The following SEMA4D variants were observed in gnomAD, a reference collection of about 807,000 sequenced individuals.
The protein encoded by SEMA4D is semaphorin 4D, also known as semaphorin-4D.
Under a neutral mutation model 74.8 loss-of-function variants are expected in SEMA4D, and 22 were observed. The ratio of observed to expected loss-of-function variants is 0.29; its 90% CI spans 0.21 to 0.42. The LOEUF (loss-of-function observed/expected upper bound fraction) is 0.42, where lower values mean the gene tolerates loss of function less well. SEMA4D is among the 10% of genes least tolerant of loss of function. The pLI, the probability that SEMA4D is intolerant of heterozygous loss-of-function variation, is 1.00. For synonymous variants in SEMA4D, 445 were observed against 463.7 expected (o/e 0.96, Z 0.52); for missense variants, 937 against 1,118.4 (o/e 0.84, Z 2.31).
At chr9:89,424,337 C>T (rs749036919) in intron 2 of SEMA4D, among the ~76,000 whole-genome samples, 31 of 152,300 alleles carry the variant, frequency 2.0e-4, no homozygotes, top group South Asian at 8.3e-4. Context: ...CCCACAGAAA[C>T]GAGCAGTGCA....
At chr9:89,444,248 C>G (rs909405507) in intron 2 of SEMA4D, among the ~76,000 whole-genome samples, 1 of 152,170 alleles carries the variant, frequency 6.6e-6, no homozygotes, top group Non-Finnish European at 1.5e-5. Context: ...CCTGGCTGCC[C>G]CTCTAGCACA....
At chr9:89,426,674 G>C (rs1444256127) in intron 2 of SEMA4D, among the ~76,000 whole-genome samples, 6 of 152,166 alleles carry the variant, frequency 3.9e-5, no homozygotes, top group South Asian at 2.1e-4. Context: ...GGTGCACGCA[G>C]CCTCGACCTG....
chr9:89,467,762 C>G (rs1252243338), intron 1 of SEMA4D, among the ~76,000 whole-genome samples: 1 of 152,026 alleles, frequency 6.6e-6, no homozygotes, highest in Non-Finnish European at 1.5e-5. Flanking sequence ...GAACTTCTGA[C>G]CTTGTGATCC....
chr9:89,368,891 G>C (rs1295551840), intron 16 of SEMA4D: 1 of 152,256 alleles, frequency 6.6e-6, no homozygotes, highest in African/African-American at 2.4e-5. Context: ...GCATCGCCTG[G>C]CTCCATGGGG....
intron 1 of SEMA4D, among the ~76,000 whole-genome samples, chr9:89,485,647 G>A (rs1825124451): frequency 6.6e-6 from 1 of 151,986 alleles, no homozygotes; most frequent in Non-Finnish European, 1.5e-5. Context: ...AATTAGCCGG[G>A]CATGGTGGCG....
intron 18 of SEMA4D, among the ~76,000 whole-genome samples, chr9:89,363,273 C>CA (rs564784754): frequency 2.0e-5 from 3 of 152,152 alleles, no homozygotes; most frequent in East Asian, 1.9e-4. Flanking sequence ...GATTTCCCCC[C>CA]CCAGTGTTGC....
Position 89,493,595 on chromosome 9 carries a change from C to T in SEMA4D, c.-310+4324G>A, listed in dbSNP as rs116327099. On this transcript the variant is annotated intron_variant, in intron 1 of 15. Coordinates refer to ENST00000422704, the MANE Select transcript of SEMA4D (RefSeq NM_001371194.2). ...CACACAAATCAGAAGGCCTAACAAA[C>T]ACCCACATTCTACATCAAGGCAAAT... Among the ~76,000 whole-genome samples, 269 of 152,370 alleles carry T rather than the reference C, an allele frequency of 1.8e-3. 2 individuals are homozygous for T. The highest frequency in any genetic ancestry group is 6.2e-3 in the African/African-American group (258 of 41,586).
intron 8 of SEMA4D, 136 bp downstream of exon 8, chr9:89,392,287 G>A (rs996596957): frequency 6.4e-6 from 4 of 620,980 alleles, no homozygotes; most frequent in African/African-American, 2.2e-5. Context: ...GGACAGTTTG[G>A]GAAGTATCCC....
Position 89,449,899 on chromosome 9 carries a change from T to A in SEMA4D, c.-244+5989A>T, listed in dbSNP as rs1440337231. The stretch of plus-strand genomic sequence containing the variant: ...GTAAAAATTGACCTTGGGGTCCATG[T>A]GAATGGCTTCATCACTAATGTAGCT... On this transcript the variant is annotated intron_variant, in intron 2 of 15. Transcript: ENST00000422704. 7 of 1,448,880 alleles carry A rather than the reference T, an allele frequency of 4.8e-6. No homozygotes were observed. The African/African-American group carries it at 7.0e-5, about 14-fold the overall frequency. The allele number at this position is 1,448,880 out of a possible 1,614,324, so 89.8% of individuals were successfully genotyped here.
chr9:89,401,881 C>T (rs1587605105), intron 4 of SEMA4D, among the ~76,000 whole-genome samples: 2 of 152,078 alleles, frequency 1.3e-5, no homozygotes, highest in African/African-American at 2.4e-5. Flanking sequence ...CAGAACATTG[C>T]GTTTTGCAAT....
At chr9:89,467,008 A>C (rs1014228523) in intron 1 of SEMA4D, among the ~76,000 whole-genome samples, 1 of 152,236 alleles carries the variant, frequency 6.6e-6, no homozygotes, top group Non-Finnish European at 1.5e-5. Context: ...CCAACCTCCC[A>C]GAAAGAAACT....
intron 2 of SEMA4D, among the ~76,000 whole-genome samples, chr9:89,406,653 A>G (rs1292247195): frequency 6.6e-6 from 1 of 152,228 alleles, no homozygotes; most frequent in Non-Finnish European, 1.5e-5. Flanking sequence ...CTGGGCACCC[A>G]GTGATTGGGC....
intron 2 of SEMA4D, among the ~76,000 whole-genome samples, chr9:89,411,070 G>T (rs563878296): frequency 6.6e-6 from 1 of 152,220 alleles, no homozygotes; most frequent in Non-Finnish European, 1.5e-5. Flanking sequence ...CTTAGGAAGC[G>T]AGTGGAGGAG....
intron 1 of SEMA4D, among the ~76,000 whole-genome samples, chr9:89,461,647 C>T (rs1857218316): frequency 6.6e-6 from 1 of 151,418 alleles, no homozygotes; most frequent in Admixed American, 6.6e-5. Flanking sequence ...ATCATAAACC[C>T]CCAGAGTCCT....
rs752685385 is a variant in SEMA4D, at chr9:89,363,770, G to A, written c.2063C>T (p.Ser688Leu). Reference sequence around the variant, plus strand: ...TCTCATCACAGCAACCTGCACCTTCGAAGTCTTGTTCCCTGCTGAGGAGAG... The same window carrying A: ...TCTCATCACAGCAACCTGCACCTTCAAAGTCTTGTTCCCTGCTGAGGAGAG... Residue 688 changes from serine to leucine, a missense_variant, in exon 17 of 19, where the codon TCG becomes TTG. Physicochemically the swap from Ser to Leu is moderately radical, Grantham distance 145. Coordinates refer to the SEMA4D transcript ENST00000339861. 42 of 1,613,422 alleles carry A rather than the reference G, an allele frequency of 2.6e-5. 1 individual carries two copies. Among genetic ancestry groups the A allele is most frequent in the South Asian group, 1.9e-4 (17 of 91,086 alleles).
intron 5 of SEMA4D, among the ~76,000 whole-genome samples, chr9:89,398,087 A>G (rs1587567246): frequency 6.6e-6 from 1 of 152,176 alleles, no homozygotes; most frequent in South Asian, 2.1e-4. Flanking sequence ...ATGTGAGCCA[A>G]AAAGCCTAAA....
chr9:89,389,156 G>A, intron 9 of SEMA4D, 109 bp from the exon 10 acceptor site: 2 of 1,158,762 alleles, frequency 1.7e-6, no homozygotes, highest in Non-Finnish European at 2.5e-6. Context: ...GGCTGTGCCT[G>A]ACTGAAACAA....
Position 89,381,460 on chromosome 9 carries a change from T to A in SEMA4D, c.1447-114A>T. On this transcript the variant is annotated intron_variant, in intron 13 of 15. Transcript: ENST00000422704. This position sits in a 1 kb window ranked among gnomAD's most constrained non-coding sequence, Gnocchi z 4.6. ...AGCCAGAGTGTACCTTCAGGGGACATTGCAGTAAGGAGGAGAGGTACTCAG... is the reference window on the plus strand; with the variant it reads ...AGCCAGAGTGTACCTTCAGGGGACAATGCAGTAAGGAGGAGAGGTACTCAG... The A allele has an allele frequency of 9.5e-7, 1 of 1,052,332 alleles. No homozygotes were observed. Among genetic ancestry groups the A allele is most frequent in the Non-Finnish European group, 1.3e-6 (1 of 748,696 alleles). 65.2% of individuals were successfully genotyped at this position (1,052,332 alleles called of 1,614,324 possible).
At chr9:89,396,894 C>A in intron 5 of SEMA4D, 59 bp from the exon 6 acceptor site, 2 of 1,461,338 alleles carry the variant, frequency 1.4e-6, no homozygotes, top group Non-Finnish European at 1.9e-6. Context: ...CTCCACTATT[C>A]AAACTGCTCA....
Sources: allele counts gnomAD v4.1 joint callset (sites outside exome capture counted in the v4.1 genomes callset), GRCh38; gene constraint gnomAD v4.1.1; non-coding constraint Gnocchi (gnomAD v3.1); transcripts MANE v1.5; gene names NCBI Gene and HGNC (gene_info 2026-07-23, HGNC 2026-07-21).